SLC5A4: variants seen among roughly 807,000 people sequenced by gnomAD.
SLC5A4 encodes the protein probable glucose sensor protein SLC5A4.
A neutral mutation model predicts 70.3 loss-of-function variants in SLC5A4; 55 were observed. That is an observed-to-expected ratio of 0.78 (90% confidence interval 0.63 to 0.98). SLC5A4 has a LOEUF of 0.98. Ranked by LOEUF, SLC5A4 falls within the 50% of genes least tolerant of loss-of-function variation. The pLI, the probability that SLC5A4 is intolerant of heterozygous loss-of-function variation, is 0.00. For missense variants in SLC5A4, 735 were observed against 839.2 expected, an observed-to-expected ratio of 0.88 and a Z score of 1.53; for synonymous variants, 268 against 305.7, an observed-to-expected ratio of 0.88 and a Z score of 1.29.
chr22:32,222,126 A>T (rs1925127171), intron 13 of SLC5A4, among the ~76,000 whole-genome samples: 1 of 152,218 alleles, frequency 6.6e-6, no homozygotes, highest in African/African-American at 2.4e-5. Flanking sequence ...TTGGCTCATG[A>T]CTTTCTTGTA....
chr22:32,246,940 A>C (rs531609538), intron 5 of SLC5A4, among the ~76,000 whole-genome samples: 24 of 152,372 alleles, frequency 1.6e-4, no homozygotes, highest in Non-Finnish European at 2.5e-4. Context: ...AACTTAAGAA[A>C]AATCAGTATA....
the SLC5A4 span, among the ~76,000 whole-genome samples, chr22:32,261,930 T>C: frequency 6.6e-6 from 1 of 152,232 alleles, no homozygotes; most frequent in Non-Finnish European, 1.5e-5. Context: ...GTGATGTTTG[T>C]CTTTCTGTGA....
chr22:32,254,321 A>G, intron 1 of SLC5A4, 108 bp from the exon 2 acceptor site: 1 of 741,948 alleles, frequency 1.3e-6, no homozygotes, highest in Non-Finnish European at 2.4e-6. Flanking sequence ...ACTCCTACAG[A>G]GAGAAACATT....
intron 5 of SLC5A4, among the ~76,000 whole-genome samples, chr22:32,242,985 G>T (rs1926623196): frequency 6.6e-6 from 1 of 152,158 alleles, no homozygotes; most frequent in African/African-American, 2.4e-5. Flanking sequence ...ATATTTCAGT[G>T]GTTTAAAGGA....
At chr22:32,290,879 C>T in the SLC5A4 span, among the ~76,000 whole-genome samples, 18,241 of 152,186 alleles carry the variant, frequency 0.12, 1,478 homozygotes, top group Non-Finnish European at 0.18. Flanking sequence ...TTAATCGCTT[C>T]CTAAGGGCCC....
the SLC5A4 span, chr22:32,272,374 T>C: frequency 2.2e-6 from 2 of 889,682 alleles, no homozygotes; most frequent in Non-Finnish European, 1.9e-6. Context: ...GATTTTCCTG[T>C]GAAGCCTGCG....
the SLC5A4 span, among the ~76,000 whole-genome samples, chr22:32,267,884 G>A: frequency 6.6e-6 from 1 of 152,178 alleles, no homozygotes; most frequent in Non-Finnish European, 1.5e-5. Context: ...CAGCACTTTG[G>A]GAGGCTGAGG....
chr22:32,308,802 ATGTGTGTGCATGCACAGCTGGG>A, the SLC5A4 span, among the ~76,000 whole-genome samples: 8 of 152,250 alleles, frequency 5.3e-5, no homozygotes, highest in East Asian at 3.9e-4. Flanking sequence ...GTGTCCATGC[ATGTGTGTGCATGCACAGCTGGG>A]TGTGTGTGCA....
intron 1 of SLC5A4, among the ~76,000 whole-genome samples, chr22:32,254,566 G>A (rs565944023): frequency 1.8e-4 from 28 of 152,214 alleles, no homozygotes; most frequent in South Asian, 4.2e-4. Context: ...GCACTTTGGA[G>A]GGCCGAGGCG....
upstream of SLC5A4, among the ~76,000 whole-genome samples, chr22:32,255,858 T>C (rs1160041873): frequency 6.6e-6 from 1 of 152,064 alleles, no homozygotes; most frequent in East Asian, 1.9e-4. Flanking sequence ...TGGTGGCCTG[T>C]ATAGGAAAGG....
the SLC5A4 span, among the ~76,000 whole-genome samples, chr22:32,261,076 C>G: frequency 6.7e-6 from 1 of 150,214 alleles, no homozygotes; most frequent in African/African-American, 2.5e-5. Flanking sequence ...AAAAAAAAGT[C>G]ACGAGCACTA....
the SLC5A4 span, among the ~76,000 whole-genome samples, chr22:32,339,907 C>G: frequency 1.3e-5 from 2 of 152,334 alleles, no homozygotes; most frequent in Admixed American, 1.3e-4. Flanking sequence ...CGGGGACCCC[C>G]GAGGTTCTGC....
Position 32,251,813 on chromosome 22 carries a change from G to A in SLC5A4, c.269C>T (p.Thr90Ile). Reference protein sequence around the residue: ...GSNHYVGLAGTGAASGVATVT... With the variant: ...GSNHYVGLAGIGAASGVATVT... Reference sequence around the variant, plus strand: ...GGTGGCGACTCCTGAAGCTGCTCCTGTCCCAGCCAGCCCCACATAGTGGTT... The same window carrying A: ...GGTGGCGACTCCTGAAGCTGCTCCTATCCCAGCCAGCCCCACATAGTGGTT... Residue 90 changes from threonine to isoleucine, a missense_variant, in exon 3 of 15, where the codon ACA becomes ATA. Transcript: ENST00000266086. 1 of 1,613,980 alleles carries A rather than the reference G, an allele frequency of 6.2e-7. No homozygotes were observed. The highest frequency in any genetic ancestry group is 1.6e-4 in the Middle Eastern group (1 of 6,062).
the SLC5A4 span, among the ~76,000 whole-genome samples, chr22:32,345,770 C>T: frequency 6.6e-6 from 1 of 152,162 alleles, no homozygotes; most frequent in South Asian, 2.1e-4. Flanking sequence ...AGTGAGTCCC[C>T]AGCCTAAGTG....
At chr22:32,260,256 C>T (rs1054050280), upstream of SLC5A4, among the ~76,000 whole-genome samples, 3 of 150,376 alleles carry the variant, frequency 2.0e-5, no homozygotes, top group Non-Finnish European at 4.4e-5. Flanking sequence ...ACATTGGCTG[C>T]AGCAGAGGTG....
chr22:32,304,277 C>A, the SLC5A4 span, among the ~76,000 whole-genome samples: 1 of 152,094 alleles, frequency 6.6e-6, no homozygotes, highest in Non-Finnish European at 1.5e-5. Context: ...CAGGCATGCG[C>A]CACCATGCAT....
the SLC5A4 span, among the ~76,000 whole-genome samples, chr22:32,310,777 C>T: frequency 6.6e-6 from 1 of 152,244 alleles, no homozygotes; most frequent in Non-Finnish European, 1.5e-5. Context: ...GCCCCTTCTT[C>T]ATGGGGCTGT....
intron 8 of SLC5A4, among the ~76,000 whole-genome samples, chr22:32,234,274 T>G (rs1925931490): frequency 6.6e-6 from 1 of 152,080 alleles, no homozygotes; most frequent in Non-Finnish European, 1.5e-5. Flanking sequence ...GCACAAGGAT[T>G]TAGGGAACAG....
chr22:32,248,496 C>T (rs1926958511), intron 4 of SLC5A4, among the ~76,000 whole-genome samples: 1 of 152,178 alleles, frequency 6.6e-6, no homozygotes, highest in Admixed American at 6.5e-5. Flanking sequence ...TGACCGACTT[C>T]TCTTCCTTAT....
Sources: allele counts gnomAD v4.1 joint callset (sites outside exome capture counted in the v4.1 genomes callset), GRCh38; gene constraint gnomAD v4.1.1; transcripts MANE v1.5; gene names NCBI Gene and HGNC (gene_info 2026-07-23, HGNC 2026-07-21).